The following ANKRD28 variants were observed in gnomAD, a reference collection of about 807,000 sequenced individuals.
The protein encoded by ANKRD28 is ankyrin repeat domain 28.
A neutral mutation model predicts 126.5 loss-of-function variants in ANKRD28; 44 were observed. The observed-to-expected ratio is 0.35, with a 90% CI of 0.27 to 0.45. The LOEUF (loss-of-function observed/expected upper bound fraction) is 0.45, where lower values mean the gene tolerates loss of function less well. Among genes scored for constraint, ANKRD28 ranks in the 20% least tolerant of loss-of-function variants. The pLI is 1.00. For synonymous variants in ANKRD28, 442 were observed against 468.5 expected, an observed-to-expected ratio of 0.94 and a Z score of 0.73; for missense variants, 1,110 against 1,316.6, an observed-to-expected ratio of 0.84 and a Z score of 2.43.
intron 25 of ANKRD28, 89 bp downstream of exon 25, chr3:15,677,391 C>T: frequency 1.1e-6 from 1 of 924,988 alleles, no homozygotes; most frequent in Non-Finnish European, 1.7e-6. Flanking sequence ...AGGTTTGGTC[C>T]TGAGTTGTTC....
rs761004655 is a variant in ANKRD28, at chr3:15,670,414, G to T, written c.3108C>A (p.Thr1036=). The T allele has an allele frequency of 4.3e-6, 7 of 1,613,926 alleles. No individual in the cohort carries two copies. In the South Asian group the frequency reaches 7.7e-5, roughly 18 times the overall value. ...AAGCTTCAAAGCTGACTGTTTTTGA[G>T]GTGTTGGTATAACGGTTAATGGCAT... The part of the protein sequence containing the change: ...TFNAINRYTN[T]SKTVSFEALP... Residue 1036 remains threonine, a synonymous_variant, in exon 28 of 28, where the codon ACC becomes ACA. Transcript: ENST00000683139.
At chr3:15,725,189 G>A (rs893284209) in intron 6 of ANKRD28, among the ~76,000 whole-genome samples, 1 of 152,176 alleles carries the variant, frequency 6.6e-6, no homozygotes, top group African/African-American at 2.4e-5. Context: ...ATTGTATTAG[G>A]TATTATAAGT....
In ANKRD28 at chr3:15,677,876, T is replaced by C. The variant is rs572726254; in HGVS notation, c.2708-314A>G. 7.8e-4 allele frequency among the ~76,000 whole-genome samples: 118 copies of C among 152,234 alleles called. 1 individual carries two copies. The highest frequency in any genetic ancestry group is 2.7e-3 in the African/African-American group (112 of 41,536). On this transcript the variant is annotated intron_variant, in intron 24 of 27. Coordinates refer to ENST00000683139, the MANE Select transcript of ANKRD28 (RefSeq NM_001349278.2). ...TTAACCCTCACAACAACACACCAAG[T>C]AGATACTGTTATTTTTCTCATTTTA... is the stretch of plus-strand genomic sequence containing the variant.
chr3:15,790,427 TAGAA>T (rs1365776351), intron 2 of ANKRD28, among the ~76,000 whole-genome samples: 1 of 151,880 alleles, frequency 6.6e-6, no homozygotes, highest in African/African-American at 2.4e-5. Context: ...AACAATATAT[TAGAA>T]AGATCATTCA....
Position 15,721,126 on chromosome 3 carries a change from A to G in ANKRD28, c.785T>C (p.Met262Thr), listed in dbSNP as rs2073676889. 2 of 1,608,420 alleles carry G rather than the reference A, an allele frequency of 1.2e-6. No individual in the cohort carries two copies. The highest frequency in any genetic ancestry group is 4.5e-5 in the East Asian group (2 of 44,798). The change falls in exon 8 of 28, where the codon ATG (methionine) becomes ACG (threonine). Residue 262 changes from methionine (M) to threonine (T), a missense_variant and splice_region_variant. Met to Thr is a moderately conservative substitution (Grantham distance 81). Transcript: ENST00000683139. ...VKYLLDLGVD[M>T]NEPNAYGNTP... ...ATTTCCATAGGCATTTGGTTCATTCATCTATTAGAAGGGAAAAAAATGCGA... is the reference window on the plus strand; with the variant it reads ...ATTTCCATAGGCATTTGGTTCATTCGTCTATTAGAAGGGAAAAAAATGCGA...
intron 26 of ANKRD28, 65 bp from the exon 27 acceptor site, chr3:15,676,054 T>C (rs2066904108): frequency 1.5e-6 from 2 of 1,356,726 alleles, no homozygotes; most frequent in Admixed American, 4.3e-5. Context: ...CATACACACC[T>C]GGCTGTCAAA....
intron 3 of ANKRD28, among the ~76,000 whole-genome samples, chr3:15,762,672 T>C (rs1441371235): frequency 6.6e-6 from 1 of 152,066 alleles, no homozygotes; most frequent in Non-Finnish European, 1.5e-5. Flanking sequence ...AGAAAGCATA[T>C]CTAAAAGTCA....
In ANKRD28 at chr3:15,713,581, T is replaced by C. The variant is rs1455443393; in HGVS notation, c.1136A>G (p.Tyr379Cys). 4 of 1,611,094 alleles carry C rather than the reference T, an allele frequency of 2.5e-6. No homozygotes were observed. Among genetic ancestry groups the C allele is most frequent in the Non-Finnish European group, 3.4e-6 (4 of 1,178,990 alleles). ...AGTGTTGATCAGCAGCTCATGGCCA[T>C]ACCGTGCTGCTATGTGCAAAGGGGT... ...GNTPLHIAAR[Y>C]GHELLINTLI... The change falls in exon 10 of 28, where the codon TAT becomes TGT. Residue 379 changes from tyrosine (Y) to cysteine (C), a missense_variant. Tyr to Cys is a radical substitution (Grantham distance 194). Coordinates refer to ENST00000683139, the MANE Select transcript of ANKRD28 (RefSeq NM_001349278.2).
intron 14 of ANKRD28, 102 bp from the exon 15 acceptor site, chr3:15,696,347 G>A: frequency 1.5e-6 from 1 of 686,566 alleles, no homozygotes; most frequent in Non-Finnish European, 2.4e-6. Flanking sequence ...TCTTATACTT[G>A]AGTAATATAA....
At chr3:15,687,346 T>C (rs915094307) in intron 18 of ANKRD28, among the ~76,000 whole-genome samples, 6 of 152,102 alleles carry the variant, frequency 3.9e-5, no homozygotes, top group South Asian at 2.1e-4. Flanking sequence ...TATATATATA[T>C]ACATACAGTA....
chr3:15,802,669 A>G (rs980473261), upstream of ANKRD28, among the ~76,000 whole-genome samples: 5 of 152,206 alleles, frequency 3.3e-5, no homozygotes, highest in African/African-American at 1.2e-4. Context: ...TGGATAAGCT[A>G]AGGACAATCA....
Position 15,797,618 on chromosome 3 carries a change from T to G in ANKRD28, c.-1097A>C. 18 of 985,202 alleles carry G rather than the reference T, an allele frequency of 1.8e-5. No homozygotes were observed. Among genetic ancestry groups the G allele is most frequent in the Non-Finnish European group, 2.2e-5 (18 of 829,896 alleles). 61.0% of individuals were successfully genotyped at this position (985,202 alleles called of 1,614,324 possible). On this transcript the variant is annotated 5_prime_UTR_variant, in exon 1 of 28. Transcript: ENST00000683139. ...TATCATTCCAGTGTTTCCTTTGATC[T>G]CCACATGAATACAGCTTCCATTAAA... is the stretch of plus-strand genomic sequence containing the variant.
intron 2 of ANKRD28, among the ~76,000 whole-genome samples, chr3:15,792,384 G>A (rs1195741944): frequency 6.6e-6 from 1 of 152,088 alleles, no homozygotes; most frequent in Non-Finnish European, 1.5e-5. Context: ...GTACTCGTCA[G>A]CCATAAAAAA....
intron 1 of ANKRD28, among the ~76,000 whole-genome samples, chr3:15,827,711 A>G (rs2061098411): frequency 6.6e-6 from 1 of 152,216 alleles, no homozygotes; most frequent in Admixed American, 6.5e-5. Context: ...CACCAGAACC[A>G]CAGGCAACAA....
rs182979816 is a variant in ANKRD28, at chr3:15,795,211, T to C, written c.201+12A>G. ...GTTTTAAAGGCTGGCATCAGTGAAT[T>C]AACTGTTTTACCTGAAAGTTAACAT... On this transcript the variant is annotated intron_variant, in intron 2 of 27. Transcript: ENST00000683139. The C allele has an allele frequency of 1.9e-6, 3 of 1,571,612 alleles. No individual in the cohort carries two copies. Among genetic ancestry groups the C allele is most frequent in the Admixed American group, 3.4e-5 (2 of 59,592 alleles).
chr3:15,823,924 G>A (rs144002340), intron 1 of ANKRD28, among the ~76,000 whole-genome samples: 29 of 150,938 alleles, frequency 1.9e-4, no homozygotes, highest in Admixed American at 1.8e-3. Context: ...GATAAAGATC[G>A]TTTATTTAAA....
intron 27 of ANKRD28, among the ~76,000 whole-genome samples, chr3:15,675,277 A>AAACAAC (rs550059526): frequency 6.6e-6 from 1 of 152,092 alleles, no homozygotes; most frequent in Non-Finnish European, 1.5e-5. Flanking sequence ...TCTCAAAAAC[A>AAACAAC]AACAACAACA....
At chr3:15,789,205 C>T (rs1455627984) in intron 2 of ANKRD28, among the ~76,000 whole-genome samples, 1 of 151,996 alleles carries the variant, frequency 6.6e-6, no homozygotes, top group Admixed American at 6.6e-5. Flanking sequence ...CCCTTTCTTC[C>T]TTCCTATGAA....
intron 3 of ANKRD28, among the ~76,000 whole-genome samples, chr3:15,754,020 G>A (rs2058023732): frequency 1.3e-5 from 2 of 152,088 alleles, no homozygotes; most frequent in Admixed American, 1.3e-4. Context: ...AAGTAAAAAA[G>A]CAGTAATTGT....
Sources: allele counts gnomAD v4.1 joint callset (sites outside exome capture counted in the v4.1 genomes callset), GRCh38; gene constraint gnomAD v4.1.1; transcripts MANE v1.5; gene names NCBI Gene and HGNC (gene_info 2026-07-23, HGNC 2026-07-21).